The following BST1 variants were observed in gnomAD, a reference collection of about 807,000 sequenced individuals.
BST1 encodes bone marrow stromal cell antigen 1.
BST1 carries 49 observed loss-of-function variants against 40.6 expected under a neutral mutation model. That is an observed-to-expected ratio of 1.21 (90% CI 0.96 to 1.53). BST1 has a LOEUF of 1.53. BST1 is among the 40% of genes most tolerant of loss of function. The probability of loss-of-function intolerance (pLI) is 0.00; values close to 1 mark genes in which losing one functional copy is unlikely to be tolerated. For missense variants in BST1, 423 were observed against 395.9 expected (o/e 1.07, Z -0.58); for synonymous variants, 157 against 159.3 (o/e 0.99, Z 0.11).
chr4:15,731,125 G>A, intron 8 of BST1: 2 of 418,972 alleles, frequency 4.8e-6, no homozygotes, highest in Non-Finnish European at 9.0e-6. Context: ...GTGGCCAACA[G>A]CCACAGCCAG....
chr4:15,720,258 G>A (rs894421185), intron 7 of BST1, among the ~76,000 whole-genome samples: 6 of 151,872 alleles, frequency 4.0e-5, no homozygotes, highest in East Asian at 3.9e-4. Context: ...CTTAACGCAC[G>A]CTCTTTCCCT....
downstream of BST1, among the ~76,000 whole-genome samples, chr4:15,742,644 T>A (rs1335287587): frequency 6.6e-6 from 1 of 152,228 alleles, no homozygotes; most frequent in Non-Finnish European, 1.5e-5. Flanking sequence ...TGACAGAGGA[T>A]AAGTCCAGGG....
chr4:15,718,482 A>G (rs1720631291), intron 6 of BST1, among the ~76,000 whole-genome samples: 1 of 152,220 alleles, frequency 6.6e-6, no homozygotes, highest in South Asian at 2.1e-4. Context: ...TGCATTTTCT[A>G]ATATTTTAAA....
At chr4:15,757,938 G>A in the BST1 span, among the ~76,000 whole-genome samples, 3 of 151,982 alleles carry the variant, frequency 2.0e-5, no homozygotes, top group Admixed American at 6.6e-5. Context: ...CACCGCGCCC[G>A]GTGGGATTTT....
At chr4:15,738,616 G>C (rs1419541938), downstream of BST1, among the ~76,000 whole-genome samples, 1 of 152,148 alleles carries the variant, frequency 6.6e-6, no homozygotes, top group Admixed American at 6.5e-5. Flanking sequence ...ATGGGAAGTG[G>C]GAATGACCAC....
At chr4:15,747,501 G>A in the BST1 span, among the ~76,000 whole-genome samples, 1 of 152,108 alleles carries the variant, frequency 6.6e-6, no homozygotes, top group Non-Finnish European at 1.5e-5. Flanking sequence ...CGTGAAGCCA[G>A]TACCCCCATC....
chr4:15,724,137 T>C (rs1720973221), intron 8 of BST1, among the ~76,000 whole-genome samples: 1 of 152,220 alleles, frequency 6.6e-6, no homozygotes, highest in African/African-American at 2.4e-5. Flanking sequence ...CACAACCTGA[T>C]GACAGTGCTT....
At chr4:15,763,125 T>C in the BST1 span, among the ~76,000 whole-genome samples, 1 of 152,018 alleles carries the variant, frequency 6.6e-6, no homozygotes, top group Non-Finnish European at 1.5e-5. Flanking sequence ...TCTAGGCTCT[T>C]GATGTTTTTG....
At chr4:15,705,175 T>C (rs543502272) in intron 1 of BST1, among the ~76,000 whole-genome samples, 1 of 151,910 alleles carries the variant, frequency 6.6e-6, no homozygotes, top group Non-Finnish European at 1.5e-5. Context: ...ACTATGAGAC[T>C]GGCCCCACCG....
chr4:15,734,287 A>G, downstream of BST1, among the ~76,000 whole-genome samples: 1 of 152,180 alleles, frequency 6.6e-6, no homozygotes, highest in East Asian at 1.9e-4. Flanking sequence ...GATTGCATGA[A>G]TCCAAGTGTT....
At position 15,710,852 on chromosome 4, in the gene BST1, C is replaced by T. The variant is rs142634413; in HGVS notation, c.452-955C>T. Among the ~76,000 whole-genome samples the T allele has an allele frequency of 1.5e-4, 23 of 152,018 alleles. No homozygotes were observed. In the East Asian group the frequency reaches 2.5e-3, roughly 17 times the overall value. On this transcript the variant is annotated intron_variant, in intron 3 of 8. Coordinates refer to ENST00000265016, the MANE Select transcript of BST1 (RefSeq NM_004334.3). ...TCACCCAGGCCAGAGTGCAGTGGCA[C>T]GATCTCAGCTCACTGCAGCATTCGC...
At chr4:15,726,355 C>T (rs112374033) in intron 8 of BST1, among the ~76,000 whole-genome samples, 85 of 151,926 alleles carry the variant, frequency 5.6e-4, no homozygotes, top group African/African-American at 1.9e-3. Context: ...GATGAATGAA[C>T]GAATGAATGG....
intron 3 of BST1, 133 bp downstream of exon 3, chr4:15,707,779 T>C (rs1007682366): frequency 7.8e-5 from 86 of 1,102,534 alleles, no homozygotes; most frequent in Non-Finnish European, 1.0e-4. Context: ...GTGGCAAGAA[T>C]AGTTAATAAT....
At position 15,703,231 on chromosome 4, in the gene BST1, G is replaced by T; in HGVS notation, c.87G>T (p.Gly29=). The T allele has an allele frequency of 6.5e-7, 1 of 1,545,380 alleles. No individual in the cohort carries two copies. The change falls in exon 1 of 9, where the codon GGG becomes GGT. Residue 29 remains glycine, a synonymous_variant. Transcript: ENST00000265016. ...LLLLLLLAAG[G]ARARWRGEGT... is the part of the protein sequence containing the mutation. ...TACTGTTGCTGCTGGCGGCGGGCGG[G>T]GCGCGCGCGCGGTGGCGCGGGGAGG...
the BST1 span, among the ~76,000 whole-genome samples, chr4:15,774,137 A>G: frequency 6.6e-6 from 1 of 152,214 alleles, no homozygotes; most frequent in Non-Finnish European, 1.5e-5. Flanking sequence ...TTCACCGGGA[A>G]GACCACGTGC....
At chr4:15,769,160 C>T in the BST1 span, among the ~76,000 whole-genome samples, 1 of 152,148 alleles carries the variant, frequency 6.6e-6, no homozygotes, top group Non-Finnish European at 1.5e-5. Context: ...GCAAATGAGC[C>T]AACAGATGCT....
intron 8 of BST1, 132 bp from the exon 9 acceptor site, chr4:15,731,608 C>G: frequency 7.9e-7 from 1 of 1,267,374 alleles, no homozygotes; most frequent in Admixed American, 2.0e-5. Flanking sequence ...CGGGGTGTCA[C>G]GGGAGACTTT....
At chr4:15,728,528 T>C (rs12644354) in intron 8 of BST1, among the ~76,000 whole-genome samples, 12,788 of 149,754 alleles carry the variant, frequency 0.085, 1,177 homozygotes, top group East Asian at 0.52. Context: ...TCATGGCATA[T>C]TGTAACCTCA....
At chr4:15,735,551 T>C (rs1721527202), downstream of BST1, among the ~76,000 whole-genome samples, 1 of 152,202 alleles carries the variant, frequency 6.6e-6, no homozygotes. Flanking sequence ...TGTGTGATAT[T>C]GCTAGGGTGT....
Sources: gnomAD v4.1 joint callset for allele counts (sites outside exome capture counted in the v4.1 genomes callset) on GRCh38, gnomAD v4.1.1 for gene constraint, MANE v1.5 for transcripts, NCBI Gene and HGNC (gene_info 2026-07-23, HGNC 2026-07-21) for gene names.